CDKAL1: variants seen among roughly 807,000 people sequenced by gnomAD.
CDKAL1 encodes the protein CDKAL1 threonylcarbamoyladenosine tRNA methylthiotransferase.
In CDKAL1, 32 loss-of-function variants were observed where a neutral mutation model predicts 68.2. The observed-to-expected ratio is 0.47, with a 90% CI of 0.35 to 0.63. CDKAL1 has a LOEUF of 0.63. Among genes scored for constraint, CDKAL1 ranks in the 30% least tolerant of loss-of-function variants. The probability of loss-of-function intolerance (pLI) is 0.00; values close to 1 mark genes in which losing one functional copy is unlikely to be tolerated. For synonymous variants in CDKAL1, 234 were observed against 244.3 expected (o/e 0.96, Z 0.39); for missense variants, 606 against 696.7 (o/e 0.87, Z 1.47).
chr6:21,081,038 G>A (rs1051835632), intron 12 of CDKAL1, among the ~76,000 whole-genome samples: 2 of 152,138 alleles, frequency 1.3e-5, no homozygotes, highest in African/African-American at 2.4e-5. Flanking sequence ...GAAGAGCCTT[G>A]ACTTCACTGA....
intron 5 of CDKAL1, among the ~76,000 whole-genome samples, chr6:20,675,046 G>A (rs1210236335): frequency 6.6e-6 from 1 of 151,376 alleles, no homozygotes; most frequent in East Asian, 1.9e-4. Context: ...TTTACCTCGT[G>A]TTTCTGGAGT....
In CDKAL1 at chr6:21,127,820, A is replaced by AAGTTTATGAATTTATG. The variant is rs1450293568; in HGVS notation, c.1299+19359_1299+19360insTTTATGAATTTATGAG. Among the ~76,000 whole-genome samples, 16 of 152,164 alleles carry AAGTTTATGAATTTATG rather than the reference A, an allele frequency of 1.1e-4. No homozygotes were observed. In the East Asian group the frequency reaches 2.9e-3, roughly 28 times the overall value. On this transcript the variant is annotated intron_variant, in intron 13 of 15. Coordinates refer to ENST00000274695, the MANE Select transcript of CDKAL1 (RefSeq NM_017774.3). The stretch of plus-strand genomic sequence containing the variant: ...CTTGTGTCACTGAATTTATGAGTTT[A>AAGTTTATGAATTTATG]AGCTTTTTTGCAAATGTTAAAACTG...
chr6:21,004,847 A>C (rs1249387038), intron 11 of CDKAL1, among the ~76,000 whole-genome samples: 1 of 152,188 alleles, frequency 6.6e-6, no homozygotes, highest in African/African-American at 2.4e-5. Flanking sequence ...CTGTAGTCTC[A>C]ACTACTAGGG....
intron 4 of CDKAL1, among the ~76,000 whole-genome samples, chr6:20,556,487 G>A (rs1249426197): frequency 6.6e-6 from 1 of 152,134 alleles, no homozygotes; most frequent in African/African-American, 2.4e-5. Flanking sequence ...ACCTCAATAG[G>A]ATATTTTTGG....
chr6:21,231,265 A>G lies in CDKAL1; in HGVS notation c.*226A>G, dbSNP rs1006818017. 3 of 374,378 alleles carry G rather than the reference A, an allele frequency of 8.0e-6. No homozygotes were observed. The highest frequency in any genetic ancestry group is 9.5e-6 in the Non-Finnish European group (2 of 211,204). The allele number at this position is 374,378 out of a possible 1,614,324, so 23.2% of individuals were successfully genotyped here. A position where few individuals can be genotyped will look rare whatever the true frequency, so the allele number is the denominator to read the frequency against. ...CACCGCTACCATAGCACATCCTTCA[A>G]ATTAAACTGCTTTTGGTTTACTTTT... On this transcript the variant is annotated 3_prime_UTR_variant, in exon 16 of 16. Coordinates refer to ENST00000274695, the MANE Select transcript of CDKAL1 (RefSeq NM_017774.3).
chr6:21,088,003 G>C (rs1283335964), intron 12 of CDKAL1, among the ~76,000 whole-genome samples: 1 of 152,054 alleles, frequency 6.6e-6, no homozygotes, highest in East Asian at 1.9e-4. Flanking sequence ...GGTTGTTTAG[G>C]AAAAGGCAGT....
intron 7 of CDKAL1, among the ~76,000 whole-genome samples, chr6:20,765,940 T>C (rs1774683591): frequency 6.8e-6 from 1 of 146,148 alleles, no homozygotes; most frequent in Admixed American, 6.8e-5. Flanking sequence ...GAAAAAGTCT[T>C]CTTTAAACAT....
At chr6:20,881,013 A>C (rs187678924) in intron 9 of CDKAL1, among the ~76,000 whole-genome samples, 2 of 152,284 alleles carry the variant, frequency 1.3e-5, no homozygotes, top group East Asian at 3.9e-4. Flanking sequence ...AGCTTAATAC[A>C]TATGTGATCT....
At chr6:20,803,191 A>G (rs2150409135) in intron 8 of CDKAL1, among the ~76,000 whole-genome samples, 1 of 152,340 alleles carries the variant, frequency 6.6e-6, no homozygotes, top group African/African-American at 2.4e-5. Flanking sequence ...AGGTAGAGGA[A>G]CAGTGTTATT....
chr6:20,774,426 G>T (rs906191192), intron 7 of CDKAL1, among the ~76,000 whole-genome samples: 3 of 152,260 alleles, frequency 2.0e-5, no homozygotes, highest in Admixed American at 1.3e-4. Flanking sequence ...TTTATGTTCG[G>T]GGAGGTGGTT....
At chr6:21,224,931 A>C (rs1385708446) in intron 15 of CDKAL1, among the ~76,000 whole-genome samples, 1 of 152,202 alleles carries the variant, frequency 6.6e-6, no homozygotes, top group Non-Finnish European at 1.5e-5. Context: ...GGTAAATGGC[A>C]GTTCATATGG....
rs113722831 is a variant in CDKAL1 at position 20,730,186 on chromosome 6, A to G, written c.372-9333A>G. ...ACAAAAATCAAAAAGTATCTGGGGC[A>G]TGGTGGCGTGTGCCTGTAGTCCTAG... On this transcript the variant is annotated intron_variant, in intron 5 of 15. Coordinates refer to ENST00000274695, the MANE Select transcript of CDKAL1 (RefSeq NM_017774.3). 3.7e-3 allele frequency among the ~76,000 whole-genome samples: 560 copies of G among 152,076 alleles called. 3 individuals carry two copies. Among genetic ancestry groups the G allele is most frequent in the African/African-American group, 0.012 (510 of 41,488 alleles).
intron 5 of CDKAL1, among the ~76,000 whole-genome samples, chr6:20,702,539 G>A (rs1475845438): frequency 6.6e-6 from 1 of 152,160 alleles, no homozygotes; most frequent in Non-Finnish European, 1.5e-5. Flanking sequence ...CTTGTGGATT[G>A]GGCCTTCCAA....
At chr6:20,722,851 G>A (rs919260375) in intron 5 of CDKAL1, among the ~76,000 whole-genome samples, 1 of 152,050 alleles carries the variant, frequency 6.6e-6, no homozygotes, top group African/African-American at 2.4e-5. Context: ...GAGAGAGACA[G>A]ACAGCCAGAC....
intron 8 of CDKAL1, among the ~76,000 whole-genome samples, chr6:20,833,974 A>G (rs1164272580): frequency 6.6e-6 from 1 of 152,166 alleles, no homozygotes; most frequent in Non-Finnish European, 1.5e-5. Context: ...GACTTCCTGA[A>G]TGAGAACAGG....
chr6:20,819,217 T>A (rs1034193276), intron 8 of CDKAL1, among the ~76,000 whole-genome samples: 4 of 131,092 alleles, frequency 3.1e-5, no homozygotes, highest in Non-Finnish European at 5.2e-5. Context: ...TGCTTATTTA[T>A]AGTATTTTTT....
At chr6:20,767,644 G>A (rs1581539696) in intron 7 of CDKAL1, among the ~76,000 whole-genome samples, 1 of 151,906 alleles carries the variant, frequency 6.6e-6, no homozygotes, top group African/African-American at 2.4e-5. Flanking sequence ...ATTAGGTGTA[G>A]GATAAACTTT....
At chr6:20,602,908 A>G (rs1428058524) in intron 4 of CDKAL1, among the ~76,000 whole-genome samples, 1 of 152,166 alleles carries the variant, frequency 6.6e-6, no homozygotes, top group Non-Finnish European at 1.5e-5. Flanking sequence ...CAGTGTGAGG[A>G]TGAAAAACTC....
intron 13 of CDKAL1, among the ~76,000 whole-genome samples, chr6:21,121,924 G>A (rs776135921): frequency 4.6e-5 from 7 of 152,154 alleles, no homozygotes; most frequent in African/African-American, 9.7e-5. Context: ...TGCAGTGGTC[G>A]TGGGTTTTGG....
Sources: gnomAD v4.1 joint callset for allele counts (sites outside exome capture counted in the v4.1 genomes callset) on GRCh38, gnomAD v4.1.1 for gene constraint, MANE v1.5 for transcripts, NCBI Gene and HGNC (gene_info 2026-07-23, HGNC 2026-07-21) for gene names.